The following PAIP2B variants were observed in gnomAD, a reference collection of about 807,000 sequenced individuals.
PAIP2B encodes polyadenylate-binding protein-interacting protein 2B.
PAIP2B carries 13 observed loss-of-function variants against 17.0 expected under a neutral mutation model. The ratio of observed to expected loss-of-function variants is 0.76; its 90% CI spans 0.50 to 1.22. The LOEUF (loss-of-function observed/expected upper bound fraction) is 1.22. Ranked by LOEUF, PAIP2B falls within the 50% of genes most tolerant of loss-of-function variation. The pLI, the probability that PAIP2B is intolerant of heterozygous loss-of-function variation, is 0.00. For missense variants in PAIP2B, 117 were observed against 144.5 expected (o/e 0.81, Z 0.98); for synonymous variants, 43 against 48.7 (o/e 0.88, Z 0.48).
chr2:71,223,787 T>C (rs1675652153), intron 1 of PAIP2B, among the ~76,000 whole-genome samples: 1 of 152,118 alleles, frequency 6.6e-6, no homozygotes, highest in Non-Finnish European at 1.5e-5. Flanking sequence ...ACAAACTGAA[T>C]GAATGAATAT....
chr2:71,222,039 C>T (rs1245812571), intron 1 of PAIP2B, among the ~76,000 whole-genome samples: 1 of 152,206 alleles, frequency 6.6e-6, no homozygotes, highest in Non-Finnish European at 1.5e-5. Context: ...CCCTTCCAGG[C>T]TGTGGAAGCT....
chr2:71,207,649 G>A (rs1049943356), intron 1 of PAIP2B, among the ~76,000 whole-genome samples: 4 of 152,204 alleles, frequency 2.6e-5, no homozygotes, highest in African/African-American at 9.6e-5. Flanking sequence ...TGAAAAAAGG[G>A]TAGCTGCTTG....
rs1315421424 is a variant in PAIP2B, at chr2:71,185,846, TA to T, written c.*2632del. The T allele has an allele frequency of 2.0e-5, 3 of 152,202 alleles. No homozygotes were observed. Among genetic ancestry groups the T allele is most frequent in the Non-Finnish European group, 2.9e-5 (2 of 68,026 alleles). The allele number at this position is 152,202 out of a possible 1,614,324, so 9.4% of individuals were successfully genotyped here. On this transcript the variant is annotated 3_prime_UTR_variant, in exon 4 of 4. Coordinates refer to ENST00000244221, the MANE Select transcript of PAIP2B (RefSeq NM_020459.1). ...GTTTTTTCCCTTGAAAAGAAAGAGATAAATTATTTTCATCTTGGAATTTTAG... is the reference window on the plus strand; with the variant it reads ...GTTTTTTCCCTTGAAAAGAAAGAGATAATTATTTTCATCTTGGAATTTTAG...
intron 1 of PAIP2B, among the ~76,000 whole-genome samples, chr2:71,219,597 C>T (rs1243813546): frequency 1.3e-5 from 2 of 152,190 alleles, no homozygotes; most frequent in Non-Finnish European, 2.9e-5. Context: ...GCTGCTATTG[C>T]TATGTATTAA....
chr2:71,212,566 C>G (rs1675327937), intron 1 of PAIP2B, among the ~76,000 whole-genome samples: 1 of 152,204 alleles, frequency 6.6e-6, no homozygotes, highest in South Asian at 2.1e-4. Flanking sequence ...TCAGTGACAG[C>G]ACTACTCTGG....
intron 2 of PAIP2B, among the ~76,000 whole-genome samples, chr2:71,193,615 A>G (rs1219304952): frequency 3.9e-5 from 6 of 152,070 alleles, no homozygotes; most frequent in Non-Finnish European, 7.4e-5. Flanking sequence ...GCACTTTAGG[A>G]GGCTGAGGCA....
intron 1 of PAIP2B, among the ~76,000 whole-genome samples, chr2:71,205,930 A>C (rs1181579985): frequency 1.3e-5 from 2 of 152,206 alleles, no homozygotes; most frequent in African/African-American, 4.8e-5. Flanking sequence ...TGAGCTTAGA[A>C]GTGCATTTTC....
intron 1 of PAIP2B, among the ~76,000 whole-genome samples, chr2:71,223,499 C>T (rs1675644784): frequency 6.6e-6 from 1 of 150,540 alleles, no homozygotes; most frequent in Admixed American, 6.6e-5. Context: ...AGTGCAGTGG[C>T]ACGATTCGGC....
chr2:71,225,426 A>G (rs923647734), intron 1 of PAIP2B, among the ~76,000 whole-genome samples: 1 of 152,246 alleles, frequency 6.6e-6, no homozygotes, highest in Non-Finnish European at 1.5e-5. Context: ...CACAGTGAAC[A>G]TGATGTTAAA....
chr2:71,188,656 T>A, intron 3 of PAIP2B, 121 bp from the exon 4 acceptor site: 1 of 824,290 alleles, frequency 1.2e-6, no homozygotes, highest in Non-Finnish European at 2.0e-6. Flanking sequence ...TCCTTGTAAC[T>A]CAGGCTGTTA....
At chr2:71,204,474 T>C (rs1267339237) in intron 1 of PAIP2B, among the ~76,000 whole-genome samples, 1 of 152,172 alleles carries the variant, frequency 6.6e-6, no homozygotes, top group Non-Finnish European at 1.5e-5. Context: ...AAATGTAATA[T>C]TCTAAAAAGA....
intron 1 of PAIP2B, among the ~76,000 whole-genome samples, chr2:71,216,387 C>T (rs1189737436): frequency 1.3e-5 from 2 of 152,184 alleles, no homozygotes; most frequent in Non-Finnish European, 2.9e-5. Context: ...TCACTAGATA[C>T]TTGGCTATGA....
chr2:71,190,623 C>T (rs1396391358), intron 2 of PAIP2B, among the ~76,000 whole-genome samples: 4 of 152,242 alleles, frequency 2.6e-5, no homozygotes, highest in Non-Finnish European at 4.4e-5. Flanking sequence ...AGATGTTCTA[C>T]GATCTCTAAT....
At chr2:71,220,340 G>A (rs187312974) in intron 1 of PAIP2B, among the ~76,000 whole-genome samples, 1 of 152,268 alleles carries the variant, frequency 6.6e-6, no homozygotes, top group Admixed American at 6.5e-5. Flanking sequence ...GGGATAAACA[G>A]AACAGCTAGG....
In PAIP2B at chr2:71,183,754, G is replaced by T. The variant is rs1674460096; in HGVS notation, c.*4725C>A. 6.6e-6 allele frequency: 1 copy of T among 152,204 alleles called. No individual in the cohort carries two copies. Among genetic ancestry groups the T allele is most frequent in the Non-Finnish European group, 1.5e-5 (1 of 68,044 alleles). The allele number at this position is 152,204 out of a possible 1,614,324, so 9.4% of individuals were successfully genotyped here. ...AAATTTATAGAGAAAGTAGATTAGT[G>T]GTTGCCGGGGGTAAGAACAGGATTA... On this transcript the variant is annotated 3_prime_UTR_variant, in exon 4 of 4. Transcript: ENST00000244221.
chr2:71,217,422 T>G (rs1212354074), intron 1 of PAIP2B, among the ~76,000 whole-genome samples: 1 of 152,204 alleles, frequency 6.6e-6, no homozygotes. Context: ...GGGTTACAGG[T>G]GTGAGCCACC....
intron 2 of PAIP2B, among the ~76,000 whole-genome samples, chr2:71,201,032 T>C (rs945736902): frequency 6.6e-6 from 1 of 151,820 alleles, no homozygotes; most frequent in African/African-American, 2.4e-5. Flanking sequence ...TGTGTGTGTG[T>C]GTGTGTGTGT....
At position 71,198,354 on chromosome 2, in the gene PAIP2B, C is replaced by T. The variant is rs955766804; in HGVS notation, c.138+4098G>A. On this transcript the variant is annotated intron_variant, in intron 2 of 3. Coordinates refer to ENST00000244221, the MANE Select transcript of PAIP2B (RefSeq NM_020459.1). The stretch of plus-strand genomic sequence containing the variant: ...AGGCTGGAGTGCAGTGGCGCGATCT[C>T]GGCTCACTGCAAGCTCCGCCTCCTG... Among the ~76,000 whole-genome samples the T allele has an allele frequency of 1.9e-4, 28 of 150,756 alleles. 1 individual carries two copies. In the East Asian group the frequency reaches 2.9e-3, roughly 16 times the overall value.
intron 1 of PAIP2B, among the ~76,000 whole-genome samples, chr2:71,226,677 G>A (rs374275093): frequency 6.6e-6 from 1 of 151,986 alleles, no homozygotes; most frequent in African/African-American, 2.4e-5. Flanking sequence ...GCACCTGTGC[G>A]GGGGGGAAAG....
Sources: allele counts gnomAD v4.1 joint callset (sites outside exome capture counted in the v4.1 genomes callset), GRCh38; gene constraint gnomAD v4.1.1; transcripts MANE v1.5; gene names NCBI Gene and HGNC (gene_info 2026-07-23, HGNC 2026-07-21).